The following FBXO9 variants were observed in gnomAD, a reference collection of about 807,000 sequenced individuals.
The protein encoded by FBXO9 is F-box only protein 9.
A neutral mutation model predicts 63.7 loss-of-function variants in FBXO9; 43 were observed. That is an observed-to-expected ratio of 0.67 (90% CI 0.53 to 0.87). The LOEUF is 0.87. Among genes scored for constraint, FBXO9 ranks in the 40% least tolerant of loss-of-function variants. The pLI, the probability that FBXO9 is intolerant of heterozygous loss-of-function variation, is 0.00. For missense variants in FBXO9, 442 were observed against 533.2 expected (o/e 0.83, Z 1.68); for synonymous variants, 156 against 171.7 (o/e 0.91, Z 0.72).
chr6:53,066,116 A>G (rs1423637803), intron 1 of FBXO9: 1 of 1,152,660 alleles, frequency 8.7e-7, no homozygotes, highest in African/African-American at 1.6e-5. Flanking sequence ...GGTCCTCTCA[A>G]GGGATTTTAT....
At chr6:53,082,382 G>A in intron 6 of FBXO9, 122 bp from the exon 7 acceptor site, 1 of 551,864 alleles carries the variant, frequency 1.8e-6, no homozygotes, top group South Asian at 2.9e-5. Flanking sequence ...TCATGCTTTA[G>A]CTCTGAGCAA....
intron 3 of FBXO9, among the ~76,000 whole-genome samples, chr6:53,074,004 A>G (rs1769012087): frequency 6.6e-6 from 1 of 152,236 alleles, no homozygotes; most frequent in Non-Finnish European, 1.5e-5. Context: ...ATAGAACCAA[A>G]AAGATTGCTC....
chr6:53,094,082 A>T (rs1176796246), intron 11 of FBXO9, 104 bp downstream of exon 11: 3 of 546,962 alleles, frequency 5.5e-6, no homozygotes, highest in Non-Finnish European at 9.3e-6. Flanking sequence ...CTGATTATTT[A>T]TACTGTTATA....
At position 53,065,613 on chromosome 6, in the gene FBXO9, A is replaced by T. The variant is rs1041910976; in HGVS notation, c.-177A>T. On this transcript the variant is annotated 5_prime_UTR_variant, in exon 1 of 13. Coordinates refer to ENST00000323557, the MANE Select transcript of FBXO9 (RefSeq NM_033480.3). The stretch of plus-strand genomic sequence containing the variant: ...CCTGCCCCGCGAAGATGGCTGCCGT[A>T]CGCCGGGCCCGCAGTTATTGCCGCT... 1 of 718,208 alleles carries T rather than the reference A, an allele frequency of 1.4e-6. No homozygotes were observed. Among genetic ancestry groups the T allele is most frequent in the African/African-American group, 1.8e-5 (1 of 54,192 alleles). The allele number at this position is 718,208 out of a possible 1,614,324, so 44.5% of individuals were successfully genotyped here.
intron 7 of FBXO9, among the ~76,000 whole-genome samples, chr6:53,086,693 A>G (rs1414633602): frequency 6.6e-6 from 1 of 152,234 alleles, no homozygotes; most frequent in Non-Finnish European, 1.5e-5. Flanking sequence ...GGTTACATGG[A>G]GTAATTCAGA....
At chr6:53,097,697 GT>G (rs776377986) in intron 12 of FBXO9, 24 bp from the exon 13 acceptor site, 105 of 1,421,892 alleles carry the variant, frequency 7.4e-5, no homozygotes, top group Non-Finnish European at 1.0e-4. Context: ...CCTCATACTA[GT>G]AATTTTGTGC....
intron 4 of FBXO9, 139 bp from the exon 5 acceptor site, chr6:53,078,660 T>C (rs911066282): frequency 1.3e-4 from 77 of 614,578 alleles, no homozygotes; most frequent in Non-Finnish European, 4.4e-5. Context: ...TTTGTGTCAC[T>C]GAACTGCTGT....
chr6:53,076,492 G>A lies in FBXO9; in HGVS notation c.256G>A (p.Glu86Lys), dbSNP rs777230454. ...TTACTTTATATTTTTATAGGCTCGA[G>A]AACTCTTCCTAAAAGCAGTAGAAGA... ...QEQAKEEKAR[E>K]LFLKAVEEEQ... The change falls in exon 4 of 13, where the codon GAA (glutamate) becomes AAA (lysine). Residue 86 changes from glutamate to lysine, a missense_variant. Around this residue, in one of 2 missense-constraint regions of FBXO9, gnomAD observed 180 missense variants for 171.1 expected, o/e 1.05. Coordinates refer to ENST00000323557, the MANE Select transcript of FBXO9 (RefSeq NM_033480.3). 6.5e-7 allele frequency: 1 copy of A among 1,544,124 alleles called. No individual in the cohort carries two copies. The highest frequency in any genetic ancestry group is 8.7e-7 in the Non-Finnish European group (1 of 1,154,832).
At chr6:53,077,494 A>G (rs1416556339) in intron 4 of FBXO9, among the ~76,000 whole-genome samples, 1 of 151,034 alleles carries the variant, frequency 6.6e-6, no homozygotes, top group Non-Finnish European at 1.5e-5. Context: ...AAAAAAAAAA[A>G]AAAAAAGAAA....
rs538343906 is a variant in FBXO9, at chr6:53,099,813, G to C, written c.*1983G>C. On this transcript the variant is annotated 3_prime_UTR_variant, in exon 13 of 13. Transcript: ENST00000323557. Reference sequence around the variant, plus strand: ...GTGTGTTTTTCAAGTTGGAAAGGAAGGAGAAAAGCAACTTGCCTAAGATAA... The same window carrying C: ...GTGTGTTTTTCAAGTTGGAAAGGAACGAGAAAAGCAACTTGCCTAAGATAA... The C allele has an allele frequency of 1.3e-5, 2 of 152,292 alleles. No homozygotes were observed. The highest frequency in any genetic ancestry group is 4.1e-4 in the South Asian group (2 of 4,828). The allele number at this position is 152,292 out of a possible 1,614,324, so 9.4% of individuals were successfully genotyped here. A position where few individuals can be genotyped will look rare whatever the true frequency, so the allele number is the denominator to read the frequency against.
chr6:53,087,687 A>T (rs1204531270), intron 7 of FBXO9, among the ~76,000 whole-genome samples: 1 of 152,254 alleles, frequency 6.6e-6, no homozygotes. Flanking sequence ...ATTAGATCCC[A>T]GGAAGAAATA....
Position 53,096,162 on chromosome 6 carries a change from A to G in FBXO9, c.1205+498A>G, listed in dbSNP as rs149821376. On this transcript the variant is annotated intron_variant, in intron 12 of 12. Coordinates refer to ENST00000323557, the MANE Select transcript of FBXO9 (RefSeq NM_033480.3). ...AAGCCAAATTTGTTAGGTGATTCCTATTTAAAACTCTTTGTTCTATGCAGT... is the reference window on the plus strand; with the variant it reads ...AAGCCAAATTTGTTAGGTGATTCCTGTTTAAAACTCTTTGTTCTATGCAGT... Among the ~76,000 whole-genome samples, 168 of 152,350 alleles carry G rather than the reference A, an allele frequency of 1.1e-3. 1 individual carries two copies. The highest frequency in any genetic ancestry group is 3.3e-3 in the African/African-American group (139 of 41,580).
chr6:53,073,647 T>C lies in FBXO9; in HGVS notation c.249+8T>C, dbSNP rs1252827067. 6.5e-7 allele frequency: 1 copy of C among 1,530,092 alleles called. No individual in the cohort carries two copies. The highest frequency in any genetic ancestry group is 2.2e-5 in the Admixed American group (1 of 45,912). The allele number at this position is 1,530,092 out of a possible 1,614,324, so 94.8% of individuals were successfully genotyped here. On this transcript the variant is annotated splice_region_variant and intron_variant, in intron 3 of 12. Coordinates refer to ENST00000323557, the MANE Select transcript of FBXO9 (RefSeq NM_033480.3). ...CAGGCAAAAGAAGAAAAGTTAAGTA[T>C]TATAGATATTGTAACAAATTACATT...
chr6:53,085,090 T>C (rs551800820), intron 7 of FBXO9, among the ~76,000 whole-genome samples: 117 of 152,292 alleles, frequency 7.7e-4, no homozygotes, highest in African/African-American at 2.7e-3. Context: ...AAAAATAATA[T>C]GAATAGTTTC....
intron 7 of FBXO9, among the ~76,000 whole-genome samples, chr6:53,085,137 A>G (rs1048066829): frequency 6.6e-6 from 1 of 152,336 alleles, no homozygotes; most frequent in Admixed American, 6.5e-5. Context: ...GAAAAAGCAA[A>G]TGGTTCCACC....
chr6:53,077,996 T>TA (rs1769178059), intron 4 of FBXO9, among the ~76,000 whole-genome samples: 2 of 152,302 alleles, frequency 1.3e-5, no homozygotes, highest in African/African-American at 2.4e-5. Flanking sequence ...AGGAAATTTG[T>TA]AAAAAATAAG....
chr6:53,072,219 T>TA (rs76608468), intron 2 of FBXO9, among the ~76,000 whole-genome samples: 328 of 148,740 alleles, frequency 2.2e-3, no homozygotes, highest in Admixed American at 6.2e-3. Context: ...ACGTCTTTTT[T>TA]TAAAAAAAAA....
At chr6:53,073,960 C>G (rs1769011010) in intron 3 of FBXO9, among the ~76,000 whole-genome samples, 1 of 151,242 alleles carries the variant, frequency 6.6e-6, no homozygotes, top group African/African-American at 2.4e-5. Flanking sequence ...TTAACAGAAC[C>G]AAAAAGAAAA....
chr6:53,081,735 G>A (rs1769320731), intron 6 of FBXO9, among the ~76,000 whole-genome samples: 1 of 152,206 alleles, frequency 6.6e-6, no homozygotes, highest in South Asian at 2.1e-4. Flanking sequence ...TTTCAGCCAT[G>A]TTGGACAATT....
Sources: allele counts gnomAD v4.1 joint callset (sites outside exome capture counted in the v4.1 genomes callset), GRCh38; gene constraint gnomAD v4.1.1; regional missense constraint gnomAD v4.1.1; transcripts MANE v1.5; gene names NCBI Gene and HGNC (gene_info 2026-07-23, HGNC 2026-07-21).